CLIP1: variants seen among roughly 807,000 people sequenced by gnomAD.
The protein encoded by CLIP1 is CAP-Gly domain containing linker protein 1.
A neutral mutation model predicts 161.6 loss-of-function variants in CLIP1; 66 were observed. That is an observed-to-expected ratio of 0.41 (90% CI 0.33 to 0.50). CLIP1 has a LOEUF of 0.50. Among genes scored for constraint, CLIP1 ranks in the 20% least tolerant of loss-of-function variants. The pLI is 0.27. For missense variants in CLIP1, 1,376 were observed against 1,702.0 expected (o/e 0.81, Z 3.37); for synonymous variants, 598 against 626.2 (o/e 0.96, Z 0.67).
rs148800758 is a variant in CLIP1 at position 122,406,211 on chromosome 12, A to G, written c.-107+16310T>C. Among the ~76,000 whole-genome samples the G allele has an allele frequency of 4.1e-3, 627 of 152,316 alleles. 4 individuals carry two copies. Among genetic ancestry groups the G allele is most frequent in the Non-Finnish European group, 7.1e-3 (480 of 68,024 alleles). On this transcript the variant is annotated intron_variant, in intron 1 of 25. Coordinates refer to ENST00000620786, the MANE Select transcript of CLIP1 (RefSeq NM_001247997.2). ...CATAATCCCAACACTTTGGGAGGCC[A>G]AGGTGGGCAGATAGTTTTGAGCTCA... is the stretch of plus-strand genomic sequence containing the variant.
intron 9 of CLIP1, among the ~76,000 whole-genome samples, chr12:122,349,611 A>G (rs1952922388): frequency 1.3e-5 from 2 of 152,248 alleles, no homozygotes; most frequent in Admixed American, 1.3e-4. Flanking sequence ...TAAAAATGTG[A>G]CACTGAACAG....
At chr12:122,416,586 C>T (rs972262792) in intron 1 of CLIP1, among the ~76,000 whole-genome samples, 6 of 152,028 alleles carry the variant, frequency 3.9e-5, no homozygotes, top group South Asian at 2.1e-4. Flanking sequence ...TAACAAGACC[C>T]CTTCTCAAAA....
chr12:122,398,857 T>A (rs948648787), intron 1 of CLIP1, among the ~76,000 whole-genome samples: 10 of 133,880 alleles, frequency 7.5e-5, no homozygotes, highest in Admixed American at 5.7e-4. Flanking sequence ...AATCTTTTTT[T>A]AAAAAGTTTA....
intron 20 of CLIP1, among the ~76,000 whole-genome samples, chr12:122,289,814 T>TTTTTTA: frequency 6.6e-6 from 1 of 151,360 alleles, no homozygotes; most frequent in Non-Finnish European, 1.5e-5. Flanking sequence ...TGTTTTTTTT[T>TTTTTTA]TTTTTTCTTT....
intron 1 of CLIP1, among the ~76,000 whole-genome samples, chr12:122,417,152 C>A (rs998012329): frequency 1.3e-5 from 2 of 151,984 alleles, no homozygotes; most frequent in African/African-American, 4.8e-5. Context: ...CAAAAATTAG[C>A]CAGGTGTGGT....
At chr12:122,407,431 A>C (rs1234157251) in intron 1 of CLIP1, among the ~76,000 whole-genome samples, 2 of 152,084 alleles carry the variant, frequency 1.3e-5, no homozygotes, top group African/African-American at 2.4e-5. Context: ...TGACCTCCCC[A>C]GCCAAGGTGG....
chr12:122,373,027 T>C (rs1249341157), intron 3 of CLIP1, among the ~76,000 whole-genome samples: 1 of 152,166 alleles, frequency 6.6e-6, no homozygotes, highest in East Asian at 1.9e-4. Context: ...GCTCGGAAGA[T>C]GGGTGCACCA....
At chr12:122,318,362 G>A (rs866453588) in intron 18 of CLIP1, among the ~76,000 whole-genome samples, 1 of 152,102 alleles carries the variant, frequency 6.6e-6, no homozygotes, top group African/African-American at 2.4e-5. Context: ...GCAAAACTCC[G>A]TCCCTACTTA....
chr12:122,356,685 C>G (rs148679252), intron 5 of CLIP1, among the ~76,000 whole-genome samples: 6 of 152,100 alleles, frequency 3.9e-5, no homozygotes, highest in African/African-American at 1.4e-4. Flanking sequence ...CCTCTGATGC[C>G]GAGCCGAAGC....
At chr12:122,382,883 G>T (rs2136864726) in intron 1 of CLIP1, among the ~76,000 whole-genome samples, 1 of 152,234 alleles carries the variant, frequency 6.6e-6, no homozygotes, top group South Asian at 2.1e-4. Flanking sequence ...GAGGGAAAGA[G>T]ATCCGGGTGG....
chr12:122,357,852 TG>T (rs1953549165), intron 5 of CLIP1, among the ~76,000 whole-genome samples: 2 of 144,008 alleles, frequency 1.4e-5, no homozygotes, highest in African/African-American at 5.2e-5. Context: ...CCGCCCCGCC[TG>T]GGAGGTGAGG....
chr12:122,333,956 ATAC>A (rs1305663967), intron 14 of CLIP1, 68 bp downstream of exon 14: 1 of 899,716 alleles, frequency 1.1e-6, no homozygotes, highest in Non-Finnish European at 1.8e-6. Flanking sequence ...GTTATGTAAC[ATAC>A]TACAACTGTC....
intron 20 of CLIP1, among the ~76,000 whole-genome samples, chr12:122,293,758 G>A (rs528328219): frequency 3.3e-5 from 5 of 150,938 alleles, no homozygotes; most frequent in East Asian, 2.0e-4. Flanking sequence ...GATTACAGGC[G>A]TGAGTTACCG....
chr12:122,284,143 A>C (rs558030352), intron 21 of CLIP1, among the ~76,000 whole-genome samples: 3 of 152,168 alleles, frequency 2.0e-5, no homozygotes, highest in African/African-American at 7.2e-5. Context: ...ATAACTTTCC[A>C]TAAGGGTTAA....
intron 24 of CLIP1, chr12:122,276,337 A>G (rs1401703541): frequency 1.4e-5 from 17 of 1,203,926 alleles, no homozygotes; most frequent in Non-Finnish European, 1.8e-5. Context: ...GCTCCATTTC[A>G]GGAAGAAGAA....
intron 3 of CLIP1, among the ~76,000 whole-genome samples, chr12:122,372,371 C>T (rs796322100): frequency 5.3e-5 from 8 of 151,212 alleles, no homozygotes; most frequent in African/African-American, 1.7e-4. Context: ...AGTGAGATTG[C>T]GCCATTGCAC....
intron 1 of CLIP1, among the ~76,000 whole-genome samples, chr12:122,413,923 T>C (rs936270418): frequency 2.0e-5 from 3 of 151,780 alleles, no homozygotes; most frequent in Non-Finnish European, 4.4e-5. Flanking sequence ...TCCTTGGTAC[T>C]TGGTGCCAGG....
chr12:122,407,153 T>TA (rs1166637112), intron 1 of CLIP1, among the ~76,000 whole-genome samples: 2 of 152,032 alleles, frequency 1.3e-5, no homozygotes, highest in Non-Finnish European at 2.9e-5. Context: ...TACTAACGTG[T>TA]AAAAAGAAGC....
chr12:122,287,409 T>C (rs570622460), intron 21 of CLIP1, among the ~76,000 whole-genome samples: 68 of 152,308 alleles, frequency 4.5e-4, no homozygotes, highest in Non-Finnish European at 8.4e-4. Flanking sequence ...CACAAGAGCA[T>C]GGAGAAATTA....
Sources: allele counts gnomAD v4.1 joint callset (sites outside exome capture counted in the v4.1 genomes callset), GRCh38; gene constraint gnomAD v4.1.1; transcripts MANE v1.5; gene names NCBI Gene and HGNC (gene_info 2026-07-23, HGNC 2026-07-21).